Variants in OPN3 observed in about 807,000 individuals in gnomAD.
OPN3 encodes opsin-3.
Under a neutral mutation model 33.8 loss-of-function variants are expected in OPN3, and 29 were observed. The ratio of observed to expected loss-of-function variants is 0.86; its 90% CI spans 0.64 to 1.17. The LOEUF is 1.17. Among genes scored for constraint, OPN3 ranks in the 50% most tolerant of loss-of-function variants. The pLI is 0.00. For synonymous variants in OPN3, 216 were observed against 216.1 expected (o/e 1.00, Z 0.00); for missense variants, 437 against 514.1 (o/e 0.85, Z 1.45).
At chr1:241,606,939 C>G (rs1265638744) in intron 1 of OPN3, among the ~76,000 whole-genome samples, 1 of 152,132 alleles carries the variant, frequency 6.6e-6, no homozygotes, top group Admixed American at 6.5e-5. Flanking sequence ...TTGAAAATCC[C>G]TTCATATTTT....
intron 3 of OPN3, chr1:241,594,989 G>T: frequency 3.7e-6 from 1 of 271,570 alleles, no homozygotes; most frequent in Non-Finnish European, 6.9e-6. Context: ...AAGAGATTTT[G>T]AACATTAAGT....
intron 1 of OPN3, among the ~76,000 whole-genome samples, chr1:241,622,512 C>T (rs1181239402): frequency 1.3e-5 from 2 of 152,180 alleles, no homozygotes; most frequent in African/African-American, 2.4e-5. Flanking sequence ...ACCCAACAAT[C>T]GATTACAATA....
chr1:241,635,728 T>C, intron 1 of OPN3: 1 of 1,613,698 alleles, frequency 6.2e-7, no homozygotes, highest in Non-Finnish European at 8.5e-7. Context: ...CTGTCCCTAT[T>C]ATAACCACAT....
intron 1 of OPN3, 147 bp from the exon 2 acceptor site, chr1:241,604,726 T>C: frequency 1.4e-6 from 1 of 724,470 alleles, no homozygotes; most frequent in Non-Finnish European, 2.2e-6. Context: ...GTGTCTATAG[T>C]CCCAAGGAAA....
At chr1:241,637,187 C>A (rs1449940984) in intron 1 of OPN3, among the ~76,000 whole-genome samples, 2 of 152,132 alleles carry the variant, frequency 1.3e-5, no homozygotes, top group Admixed American at 6.6e-5. Flanking sequence ...GTTAAACCTA[C>A]TGAAATATAA....
In OPN3 at chr1:241,594,065, G is replaced by A. The variant is rs865878858; in HGVS notation, c.*363C>T. 1.7e-5 allele frequency: 4 copies of A among 229,908 alleles called. No homozygotes were observed. Among genetic ancestry groups the A allele is most frequent in the African/African-American group, 6.9e-5 (3 of 43,174 alleles). The allele number at this position is 229,908 out of a possible 1,614,324, so 14.2% of individuals were successfully genotyped here. On this transcript the variant is annotated 3_prime_UTR_variant, in exon 4 of 4. Coordinates refer to ENST00000366554, the MANE Select transcript of OPN3 (RefSeq NM_014322.3). The stretch of plus-strand genomic sequence containing the variant: ...CTAGCTACTTCACACATGTGTACGC[G>A]ACAGTTATTTTTACAGTAAGGTATT...
chr1:241,598,687 GCCTGAA>G (rs1558437032), intron 2 of OPN3, among the ~76,000 whole-genome samples: 1 of 152,144 alleles, frequency 6.6e-6, no homozygotes, highest in Admixed American at 6.5e-5. Context: ...ATGATGTACA[GCCTGAA>G]AGTTCTTTGA....
intron 2 of OPN3, chr1:241,600,530 A>G (rs1663652135): frequency 6.6e-6 from 1 of 152,236 alleles, no homozygotes; most frequent in South Asian, 2.1e-4. Flanking sequence ...CTCTGGCTGT[A>G]TAAATGGCTG....
Position 241,615,929 on chromosome 1 carries a change from G to A in OPN3, c.374-11350C>T, listed in dbSNP as rs1240550331. 1.1e-5 allele frequency: 5 copies of A among 456,588 alleles called. No homozygotes were observed. The Admixed American group carries it at 1.2e-4, about 11-fold the overall frequency. 28.3% of individuals were successfully genotyped at this position (456,588 alleles called of 1,614,324 possible). A position where few individuals can be genotyped will look rare whatever the true frequency, so the allele number is the denominator to read the frequency against. ...CCCTAGTGGCTGCCTGAAGCTGGCTGATCCAACCTAGAGGCAAACGGACAT... is the reference window on the plus strand; with the variant it reads ...CCCTAGTGGCTGCCTGAAGCTGGCTAATCCAACCTAGAGGCAAACGGACAT... On this transcript the variant is annotated intron_variant, in intron 1 of 3. Coordinates refer to ENST00000366554, the MANE Select transcript of OPN3 (RefSeq NM_014322.3).
chr1:241,615,151 GAATT>G, intron 1 of OPN3, among the ~76,000 whole-genome samples: 1 of 149,380 alleles, frequency 6.7e-6, no homozygotes, highest in East Asian at 2.0e-4. Context: ...CTTCTCTGTG[GAATT>G]AATTAAGGTT....
intron 1 of OPN3, among the ~76,000 whole-genome samples, chr1:241,624,635 T>G (rs1664362608): frequency 6.6e-6 from 1 of 152,224 alleles, no homozygotes; most frequent in Admixed American, 6.5e-5. Context: ...GCCTTATTTC[T>G]CATCTACATA....
chr1:241,634,422 C>A lies in OPN3; in HGVS notation c.373+5460G>T, dbSNP rs1358725080. The A allele has an allele frequency of 3.1e-6, 5 of 1,613,654 alleles. No individual in the cohort carries two copies. Among genetic ancestry groups the A allele is most frequent in the Non-Finnish European group, 4.2e-6 (5 of 1,179,932 alleles). Reference sequence around the variant, plus strand: ...GCCCTAGAGATCTGCTTATACTGCACATTTGAGCATGTTTCCTCAGAAAGG... The same window carrying A: ...GCCCTAGAGATCTGCTTATACTGCAAATTTGAGCATGTTTCCTCAGAAAGG... On this transcript the variant is annotated intron_variant, in intron 1 of 3. Coordinates refer to ENST00000366554, the MANE Select transcript of OPN3 (RefSeq NM_014322.3).
chr1:241,596,038 G>A (rs1343980970), intron 3 of OPN3, among the ~76,000 whole-genome samples: 1 of 152,204 alleles, frequency 6.6e-6, no homozygotes, highest in Non-Finnish European at 1.5e-5. Context: ...CCATGTGGGA[G>A]CTTGTTAGAC....
intron 1 of OPN3, 124 bp downstream of exon 1, chr1:241,639,758 G>T (rs1665041433): frequency 2.0e-6 from 2 of 980,576 alleles, no homozygotes; most frequent in Non-Finnish European, 2.8e-6. Context: ...GGTGTAGGGC[G>T]GGGGGCGCGG....
At chr1:241,616,337 G>A (rs1024408431) in intron 1 of OPN3, among the ~76,000 whole-genome samples, 7 of 151,916 alleles carry the variant, frequency 4.6e-5, no homozygotes, top group African/African-American at 7.3e-5. Context: ...AGCTCCCTTC[G>A]CATAGCATGC....
intron 1 of OPN3, among the ~76,000 whole-genome samples, chr1:241,628,591 A>G (rs570362798): frequency 1.8e-4 from 27 of 152,180 alleles, no homozygotes; most frequent in Non-Finnish European, 3.5e-4. Context: ...GCATACTTTA[A>G]TTAGTATATG....
At chr1:241,622,979 C>G (rs1664309332) in intron 1 of OPN3, among the ~76,000 whole-genome samples, 1 of 152,048 alleles carries the variant, frequency 6.6e-6, no homozygotes, top group African/African-American at 2.4e-5. Flanking sequence ...GGACAGACTC[C>G]CTGGCAATCA....
At chr1:241,604,222 G>GT in intron 2 of OPN3, 38 bp downstream of exon 2, 1 of 1,569,750 alleles carries the variant, frequency 6.4e-7, no homozygotes, top group Non-Finnish European at 8.7e-7. Context: ...TACCCTGGAT[G>GT]TGGTTTGGGA....
At position 241,594,244 on chromosome 1, in the gene OPN3, A is replaced by G. The variant is rs1219692138; in HGVS notation, c.*184T>C. On this transcript the variant is annotated 3_prime_UTR_variant, in exon 4 of 4. Transcript: ENST00000366554. ...ATTATGTAAAGCACCCGTTGAATTA[A>G]AAGAATTTGTTTTTGTTCAACCTCT... The G allele has an allele frequency of 5.1e-6, 3 of 582,526 alleles. No homozygotes were observed. The highest frequency in any genetic ancestry group is 8.6e-6 in the Non-Finnish European group (3 of 349,450). The allele number at this position is 582,526 out of a possible 1,614,324, so 36.1% of individuals were successfully genotyped here.
Sources: allele counts gnomAD v4.1 joint callset (sites outside exome capture counted in the v4.1 genomes callset), GRCh38; gene constraint gnomAD v4.1.1; transcripts MANE v1.5; gene names NCBI Gene and HGNC (gene_info 2026-07-23, HGNC 2026-07-21).